Variants in COL1A2 observed in about 807,000 individuals in gnomAD.
COL1A2 encodes collagen type I alpha 2 chain.
In COL1A2, 49 loss-of-function variants were observed where a neutral mutation model predicts 174.3. The ratio of observed to expected loss-of-function variants is 0.28; its 90% CI spans 0.22 to 0.36. COL1A2 has a LOEUF of 0.36. Among genes scored for constraint, COL1A2 ranks in the 10% least tolerant of loss-of-function variants. The pLI, the probability that COL1A2 is intolerant of heterozygous loss-of-function variation, is 1.00. For missense variants in COL1A2, 1,438 were observed against 1,822.7 expected (o/e 0.79, Z 3.84); for synonymous variants, 655 against 606.6 (o/e 1.08, Z -1.17).
In COL1A2 at chr7:94,398,634, AG is replaced by A. The variant is rs138562211; in HGVS notation, c.96+240del. On this transcript the variant is annotated intron_variant, in intron 3 of 51. Coordinates refer to ENST00000297268, the MANE Select transcript of COL1A2 (RefSeq NM_000089.4). ...TACAAACTGGTGATTTACATACAAA[AG>A]GAAAAAAAAAGACTTGTTTTTATTC... Among the ~76,000 whole-genome samples, 1,927 of 151,630 alleles carry A rather than the reference AG, an allele frequency of 0.013. 38 individuals are homozygous for A. Among genetic ancestry groups the A allele is most frequent in the African/African-American group, 0.044 (1,788 of 41,058 alleles).
intron 30 of COL1A2, among the ~76,000 whole-genome samples, chr7:94,416,054 A>T (rs914428726): frequency 6.6e-6 from 1 of 152,210 alleles, no homozygotes; most frequent in African/African-American, 2.4e-5. Flanking sequence ...AAAATGACAC[A>T]ATCTTTTCTT....
In COL1A2 at chr7:94,420,202, A is replaced by G. The variant is rs371016455; in HGVS notation, c.2080-31A>G. The G allele has an allele frequency of 6.8e-6, 11 of 1,612,512 alleles. No homozygotes were observed. In the African/African-American group the frequency reaches 9.3e-5, roughly 14 times the overall value. The stretch of plus-strand genomic sequence containing the variant: ...TTCTTTGAGCATCTATGTCAGGCAC[A>G]TTAACAGATTCATCTTTGGTCCCAT... On this transcript the variant is annotated intron_variant, in intron 34 of 51. Transcript: ENST00000297268.
chr7:94,407,480 C>A (rs1218034118), intron 12 of COL1A2, among the ~76,000 whole-genome samples: 1 of 152,010 alleles, frequency 6.6e-6, no homozygotes, highest in Non-Finnish European at 1.5e-5. Context: ...ACTGAGTGTT[C>A]AAAATAACTT....
rs2621215 is a variant in COL1A2, at chr7:94,426,732, G to T, written c.3105+202G>T. 0.76 allele frequency: 490,580 copies of T among 642,502 alleles called. 188,575 individuals carry two copies. The highest frequency in any genetic ancestry group is 0.93 in the East Asian group (34,191 of 36,824). The allele number at this position is 642,502 out of a possible 1,614,324, so 39.8% of individuals were successfully genotyped here. A position where few individuals can be genotyped will look rare whatever the true frequency, so the allele number is the denominator to read the frequency against. On this transcript the variant is annotated intron_variant, in intron 46 of 51. Transcript: ENST00000297268. ...GTGAGGATTAAGGGAGATAGAAATA[G>T]ACATACAATAAAATCTCCTGGTAAC... is the stretch of plus-strand genomic sequence containing the variant.
chr7:94,430,152 T>C (rs557947401), intron 51 of COL1A2, 95 bp from the exon 52 acceptor site: 12 of 1,242,590 alleles, frequency 9.7e-6, no homozygotes, highest in Non-Finnish European at 1.4e-5. Context: ...GAATGACACA[T>C]GCCAAACAGT....
chr7:94,426,864 A>G, intron 46 of COL1A2, 144 bp from the exon 47 acceptor site: 1 of 745,394 alleles, frequency 1.3e-6, no homozygotes, highest in East Asian at 2.7e-5. Flanking sequence ...ACATAATGGG[A>G]GAAAAGAGCC....
chr7:94,405,214 C>G lies in COL1A2; in HGVS notation c.448C>G (p.Pro150Ala), dbSNP rs1791771079. The change falls in exon 10 of 52, where the codon CCC (proline) becomes GCC (alanine). Residue 150 changes from proline (P) to alanine (A), a missense_variant. By Grantham distance (27) the Pro-to-Ala change is conservative (BLOSUM62 -1). This residue lies in a region of COL1A2 where 281 missense variants were observed against 310.9 expected (regional missense o/e 0.90). Coordinates refer to ENST00000297268, the MANE Select transcript of COL1A2 (RefSeq NM_000089.4). ...KAGEDGHPGK[P>A]GRPGERGVVG... is the part of the protein sequence containing the mutation. ...TCATGTTTAGGGTCACCCTGGAAAA[C>G]CCGGACGACCTGGTGAGAGAGGAGT... The G allele has an allele frequency of 6.2e-7, 1 of 1,613,764 alleles. No individual in the cohort carries two copies. The highest frequency in any genetic ancestry group is 1.7e-5 in the Admixed American group (1 of 59,986).
At chr7:94,408,288 G>T (rs764616495) in intron 14 of COL1A2, 48 bp from the exon 15 acceptor site, 1 of 1,613,708 alleles carries the variant, frequency 6.2e-7, no homozygotes, top group Non-Finnish European at 8.5e-7. Context: ...ATCTTCTAAT[G>T]GCTGTCATTT....
At chr7:94,406,435 C>A in intron 12 of COL1A2, 132 bp downstream of exon 12, 3 of 773,270 alleles carry the variant, frequency 3.9e-6, no homozygotes, top group Non-Finnish European at 6.5e-6. Context: ...TCCTGTACTT[C>A]AAATCCCTCA....
At chr7:94,400,349 G>T in intron 5 of COL1A2, 61 bp downstream of exon 5, 1 of 1,407,552 alleles carries the variant, frequency 7.1e-7, no homozygotes, top group African/African-American at 1.4e-5. Flanking sequence ...GGTTTATTGT[G>T]GAATTTATTT....
At chr7:94,397,247 AT>A (rs1398033732) in intron 1 of COL1A2, among the ~76,000 whole-genome samples, 1 of 152,204 alleles carries the variant, frequency 6.6e-6, no homozygotes, top group African/African-American at 2.4e-5. Context: ...TCAATGTTTT[AT>A]AAAAAAGTAA....
In COL1A2 at chr7:94,404,726, C is replaced by G; in HGVS notation, c.358C>G (p.Pro120Ala). ...AGGTTTCCAAGGACCTGCTGGTGAGCCTGGTGAACCTGGTCAAACTGTGAG... is the reference window on the plus strand; with the variant it reads ...AGGTTTCCAAGGACCTGCTGGTGAGGCTGGTGAACCTGGTCAAACTGTGAG... ...PQGFQGPAGE[P>A]GEPGQTGPAG... Residue 120 changes from proline to alanine, a missense_variant, in exon 8 of 52, where the codon CCT becomes GCT. By Grantham distance (27) the Pro-to-Ala change is conservative. Coordinates refer to ENST00000297268, the MANE Select transcript of COL1A2 (RefSeq NM_000089.4). The G allele has an allele frequency of 2.5e-6, 4 of 1,614,040 alleles. No individual in the cohort carries two copies. The highest frequency in any genetic ancestry group is 3.4e-6 in the Non-Finnish European group (4 of 1,179,994).
chr7:94,418,431 C>G, intron 32 of COL1A2, 68 bp from the exon 33 acceptor site: 4 of 1,368,468 alleles, frequency 2.9e-6, no homozygotes, highest in South Asian at 1.2e-5. Context: ...AAGAAAAAAA[C>G]TTCATATTAA....
At chr7:94,402,222 C>G (rs1791702663) in intron 6 of COL1A2, among the ~76,000 whole-genome samples, 2 of 152,034 alleles carry the variant, frequency 1.3e-5, no homozygotes, top group African/African-American at 4.8e-5. Flanking sequence ...TTGAATAAAC[C>G]ACTCATTTAG....
chr7:94,410,860 T>G (rs2115898050), intron 21 of COL1A2, 29 bp from the exon 22 acceptor site: 3 of 1,600,004 alleles, frequency 1.9e-6, no homozygotes, highest in Non-Finnish European at 2.6e-6. Flanking sequence ...ATTTCTTTAA[T>G]TCTCTCTATT....
intron 38 of COL1A2, 44 bp from the exon 39 acceptor site, chr7:94,421,855 G>A: frequency 2.5e-6 from 4 of 1,578,022 alleles, no homozygotes; most frequent in Non-Finnish European, 3.5e-6. Flanking sequence ...CCAAATTCTT[G>A]GAGTTGATGT....
At chr7:94,428,503 C>T in intron 50 of COL1A2, 26 bp downstream of exon 50, 1 of 1,594,384 alleles carries the variant, frequency 6.3e-7, no homozygotes, top group Non-Finnish European at 8.6e-7. Flanking sequence ...AACACCTCTC[C>T]TTCTGCTAAA....
chr7:94,417,633 G>A, intron 31 of COL1A2, 91 bp from the exon 32 acceptor site: 1 of 1,112,902 alleles, frequency 9.0e-7, no homozygotes, highest in Non-Finnish European at 1.3e-6. Flanking sequence ...AGCCTGTCTA[G>A]CTAGCTGTTT....
chr7:94,409,293 T>A (rs377309076), intron 16 of COL1A2, 29 bp from the exon 17 acceptor site: 2 of 1,590,298 alleles, frequency 1.3e-6, no homozygotes, highest in Non-Finnish European at 1.7e-6. Context: ...ATTTGCTGGT[T>A]AATTCCTTGG....
Sources: gnomAD v4.1 joint callset for allele counts (sites outside exome capture counted in the v4.1 genomes callset) on GRCh38, gnomAD v4.1.1 for gene constraint, gnomAD v4.1.1 regional missense constraint, MANE v1.5 for transcripts, NCBI Gene and HGNC (gene_info 2026-07-23, HGNC 2026-07-21) for gene names.